Variants in FRYL observed in about 807,000 individuals in gnomAD.
FRYL encodes FRY like transcription coactivator.
Under a neutral mutation model 351.2 loss-of-function variants are expected in FRYL, and 150 were observed. The ratio of observed to expected loss-of-function variants is 0.43; its 90% CI spans 0.37 to 0.49. FRYL has a LOEUF of 0.49. FRYL is among the 20% of genes least tolerant of loss of function. The pLI, the probability that FRYL is intolerant of heterozygous loss-of-function variation, is 0.00. For synonymous variants in FRYL, 1,153 were observed against 1,257.1 expected (o/e 0.92, Z 1.75); for missense variants, 3,036 against 3,619.3 (o/e 0.84, Z 4.13).
intron 3 of FRYL, among the ~76,000 whole-genome samples, chr4:48,678,635 T>G (rs1198264004): frequency 6.6e-6 from 1 of 152,116 alleles, no homozygotes; most frequent in East Asian, 1.9e-4. Flanking sequence ...TAAATTAATT[T>G]TAATAGTCAT....
intron 1 of FRYL, among the ~76,000 whole-genome samples, chr4:48,777,686 G>C (rs2109445536): frequency 6.6e-6 from 1 of 152,270 alleles, no homozygotes; most frequent in East Asian, 1.9e-4. Context: ...TCTTCTAAAA[G>C]TTGAGAAATT....
chr4:48,766,406 CT>C (rs1774955232), intron 1 of FRYL, among the ~76,000 whole-genome samples: 1 of 152,136 alleles, frequency 6.6e-6, no homozygotes, highest in Non-Finnish European at 1.5e-5. Flanking sequence ...GAATCAGTGA[CT>C]TTTGGAGACA....
At chr4:48,542,865 C>T (rs1730537843) in intron 44 of FRYL, among the ~76,000 whole-genome samples, 1 of 152,154 alleles carries the variant, frequency 6.6e-6, no homozygotes, top group Admixed American at 6.5e-5. Flanking sequence ...ACAGATTTCA[C>T]CCCAATGTCA....
Position 48,747,513 on chromosome 4 carries a change from C to A in FRYL, c.-384+32565G>T, listed in dbSNP as rs184995248. On this transcript the variant is annotated intron_variant, in intron 1 of 63. Transcript: ENST00000358350. ...CAATATATGAATTCATAATCTATTT[C>A]TTGATACATCAGCAATATGGACTTT... Among the ~76,000 whole-genome samples, 324 of 152,224 alleles carry A rather than the reference C, an allele frequency of 2.1e-3. 2 individuals carry two copies. The highest frequency in any genetic ancestry group is 6.1e-3 in the African/African-American group (254 of 41,538).
At position 48,497,726 on chromosome 4, in the gene FRYL, T is replaced by C. The variant is rs777222882; in HGVS notation, c.*1696A>G. ...TTTTAAATAATTTAAAGGATACCAA[T>C]TACAGTACCAGAACACCATCAAAAT... On this transcript the variant is annotated 3_prime_UTR_variant, in exon 64 of 64. Transcript: ENST00000358350. The C allele has an allele frequency of 1.3e-5, 2 of 152,730 alleles. No homozygotes were observed. The highest frequency in any genetic ancestry group is 3.4e-3 in the Middle Eastern group (1 of 294). The allele number at this position is 152,730 out of a possible 1,614,324, so 9.5% of individuals were successfully genotyped here.
In FRYL at chr4:48,582,579, T is replaced by G. The variant is rs1482227202; in HGVS notation, c.1904A>C (p.Asp635Ala). 6.2e-7 allele frequency: 1 copy of G among 1,613,958 alleles called. No homozygotes were observed. The highest frequency in any genetic ancestry group is 8.5e-7 in the Non-Finnish European group (1 of 1,179,982). The change falls in exon 20 of 64, where the codon GAT becomes GCT. Residue 635 changes from aspartate (D) to alanine (A), a missense_variant. Asp to Ala is a moderately radical substitution (Grantham distance 126). Transcript: ENST00000358350. ...TTGTACCAACATCTTTACGGCATTA[T>G]CAAGAAGTGTGGGATGGACATCAGT... Reference protein sequence around the residue: ...EVTDVHPTLLDNAVKMLVQLI... With the variant: ...EVTDVHPTLLANAVKMLVQLI...
intron 5 of FRYL, among the ~76,000 whole-genome samples, chr4:48,622,439 A>C (rs532087413): frequency 6.6e-6 from 1 of 152,264 alleles, no homozygotes; most frequent in Non-Finnish European, 1.5e-5. Context: ...CCAGAGCACC[A>C]CCCTCAGTGA....
Position 48,500,112 on chromosome 4 carries a change from T to C in FRYL, c.8701A>G (p.Ile2901Val), listed in dbSNP as rs771251980. Residue 2901 changes from isoleucine (I) to valine (V), a missense_variant, in exon 63 of 64, where the codon ATA (isoleucine) becomes GTA (valine). Physicochemically the swap from Ile to Val is conservative, Grantham distance 29. This residue lies in a region of FRYL where 1,987 missense variants were observed against 2,311.7 expected (regional missense o/e 0.86). Coordinates refer to ENST00000358350, the MANE Select transcript of FRYL (RefSeq NM_015030.2). ...IDISKAAQTT[I>V]ETAIHSLIET... ...ATTAAAGAATGAATGGCAGTTTCTA[T>C]AGTAGTTTGTGCAGCTTTGGAAATG... 2.5e-6 allele frequency: 4 copies of C among 1,600,410 alleles called. No homozygotes were observed. The highest frequency in any genetic ancestry group is 2.6e-6 in the Non-Finnish European group (3 of 1,174,258).
At chr4:48,712,499 G>A (rs1352279870) in intron 1 of FRYL, among the ~76,000 whole-genome samples, 1 of 152,152 alleles carries the variant, frequency 6.6e-6, no homozygotes, top group African/African-American at 2.4e-5. Context: ...GAAATGAAGC[G>A]AGAAGGGAAG....
At chr4:48,654,466 A>T (rs1037930469) in intron 3 of FRYL, among the ~76,000 whole-genome samples, 1 of 152,104 alleles carries the variant, frequency 6.6e-6, no homozygotes, top group Admixed American at 6.6e-5. Context: ...TGCAGAGTCC[A>T]CTGTCTCACT....
At chr4:48,520,474 T>C (rs1724661169) in intron 55 of FRYL, 2 of 152,144 alleles carry the variant, frequency 1.3e-5, no homozygotes, top group Admixed American at 1.3e-4. Flanking sequence ...GCTATAGCAA[T>C]TACATTTTTA....
chr4:48,773,410 T>C (rs1235849616), intron 1 of FRYL, among the ~76,000 whole-genome samples: 1 of 152,210 alleles, frequency 6.6e-6, no homozygotes, highest in Non-Finnish European at 1.5e-5. Context: ...ATCACATTCA[T>C]CAACGATTAG....
At chr4:48,560,980 T>C (rs1348801688) in intron 33 of FRYL, among the ~76,000 whole-genome samples, 1 of 152,190 alleles carries the variant, frequency 6.6e-6, no homozygotes, top group Non-Finnish European at 1.5e-5. Flanking sequence ...GAACAAGATC[T>C]TGATGTAGGC....
At chr4:48,538,750 TTC>T (rs1729459068) in intron 47 of FRYL, among the ~76,000 whole-genome samples, 1 of 152,122 alleles carries the variant, frequency 6.6e-6, no homozygotes, top group Non-Finnish European at 1.5e-5. Context: ...TTTAGCCAAG[TTC>T]TTTTACTTAT....
intron 13 of FRYL, among the ~76,000 whole-genome samples, chr4:48,600,519 C>A (rs1016483875): frequency 6.6e-6 from 1 of 151,760 alleles, no homozygotes. Flanking sequence ...GGTAAGGGTT[C>A]AAAGAAAACA....
chr4:48,672,683 T>C (rs150787603), intron 3 of FRYL, among the ~76,000 whole-genome samples: 152 of 152,334 alleles, frequency 1.0e-3, no homozygotes, highest in African/African-American at 3.4e-3. Flanking sequence ...TTTTTATCAC[T>C]TCTGAATTCC....
intron 1 of FRYL, among the ~76,000 whole-genome samples, chr4:48,760,240 C>T (rs1397666914): frequency 6.6e-6 from 1 of 152,010 alleles, no homozygotes; most frequent in African/African-American, 2.4e-5. Context: ...CAGCTCACTG[C>T]AACCCTCTGC....
At chr4:48,640,169 G>A (rs1755046411) in intron 3 of FRYL, among the ~76,000 whole-genome samples, 1 of 152,102 alleles carries the variant, frequency 6.6e-6, no homozygotes, top group Admixed American at 6.6e-5. Context: ...TTTACCCACA[G>A]GAGCTGAAGA....
chr4:48,604,604 G>C (rs1746369243), intron 11 of FRYL, among the ~76,000 whole-genome samples: 1 of 152,184 alleles, frequency 6.6e-6, no homozygotes. Context: ...GCACACAAGA[G>C]GCTAAGCAAG....
Sources: gnomAD v4.1 joint callset for allele counts (sites outside exome capture counted in the v4.1 genomes callset) on GRCh38, gnomAD v4.1.1 for gene constraint, gnomAD v4.1.1 regional missense constraint, MANE v1.5 for transcripts, NCBI Gene and HGNC (gene_info 2026-07-23, HGNC 2026-07-21) for gene names.